Variants in AKAP19 observed in about 807,000 individuals in gnomAD.
The protein encoded by AKAP19 is small A-kinase anchoring protein.
chr2:190,140,495 A>G, the AKAP19 span, among the ~76,000 whole-genome samples: 1 of 152,166 alleles, frequency 6.6e-6, no homozygotes, highest in Non-Finnish European at 1.5e-5. Context: ...GAGGTTCCCA[A>G]ACCTCAGTCC....
At chr2:189,990,233 C>T in the AKAP19 span, among the ~76,000 whole-genome samples, 1 of 152,160 alleles carries the variant, frequency 6.6e-6, no homozygotes, top group Non-Finnish European at 1.5e-5. Flanking sequence ...AAAGCATTTA[C>T]TATCACATAT....
the AKAP19 span, among the ~76,000 whole-genome samples, chr2:189,887,810 GT>G: frequency 1.8e-4 from 27 of 150,260 alleles, 1 homozygote; most frequent in African/African-American, 2.9e-4. Flanking sequence ...CTTTTTGATG[GT>G]TTTTTTTTCT....
chr2:190,098,406 G>C, the AKAP19 span, among the ~76,000 whole-genome samples: 1 of 152,006 alleles, frequency 6.6e-6, no homozygotes, highest in Non-Finnish European at 1.5e-5. Flanking sequence ...TGCACCAATG[G>C]TGCATTGTCA....
chr2:190,105,904 C>T, the AKAP19 span, among the ~76,000 whole-genome samples: 1 of 152,156 alleles, frequency 6.6e-6, no homozygotes, highest in African/African-American at 2.4e-5. Context: ...ATCTTTATTC[C>T]TCTAGCATCT....
chr2:189,924,952 T>C, the AKAP19 span, among the ~76,000 whole-genome samples: 2 of 152,150 alleles, frequency 1.3e-5, no homozygotes, highest in Middle Eastern at 3.2e-3. Context: ...CTGTTAACCA[T>C]GAGCTCAATG....
At chr2:190,199,815 G>C in the AKAP19 span, 1 of 1,595,126 alleles carries the variant, frequency 6.3e-7, no homozygotes, top group African/African-American at 1.3e-5. Context: ...AGATGGCCTG[G>C]AAGTAGTCTT....
At chr2:190,133,792 C>T in the AKAP19 span, among the ~76,000 whole-genome samples, 1 of 152,214 alleles carries the variant, frequency 6.6e-6, no homozygotes, top group Non-Finnish European at 1.5e-5. Context: ...GAGAGTTGAA[C>T]TCATAGAAGC....
chr2:190,171,223 GA>G, the AKAP19 span, among the ~76,000 whole-genome samples: 2 of 135,906 alleles, frequency 1.5e-5, no homozygotes, highest in South Asian at 2.3e-4. Flanking sequence ...AAGTAAAATA[GA>G]AAAAAAGTTA....
the AKAP19 span, among the ~76,000 whole-genome samples, chr2:190,145,781 C>T: frequency 6.6e-6 from 1 of 151,298 alleles, no homozygotes; most frequent in Admixed American, 6.6e-5. Context: ...TGTTATTAAG[C>T]AACTCATGAT....
chr2:190,000,760 C>T, the AKAP19 span, among the ~76,000 whole-genome samples: 6 of 152,062 alleles, frequency 3.9e-5, no homozygotes, highest in Non-Finnish European at 8.8e-5. Context: ...TTGTATTGCT[C>T]CTTTGCATAT....
the AKAP19 span, among the ~76,000 whole-genome samples, chr2:190,172,901 T>C: frequency 6.6e-5 from 10 of 151,974 alleles, no homozygotes; most frequent in African/African-American, 2.4e-5. Context: ...TCACCTGAGG[T>C]CAGGAGTTGG....
the AKAP19 span, among the ~76,000 whole-genome samples, chr2:190,191,788 T>C: frequency 6.6e-6 from 1 of 152,258 alleles, no homozygotes; most frequent in South Asian, 2.1e-4. Flanking sequence ...CCTAAATCTT[T>C]CAAATCTCGT....
the AKAP19 span, among the ~76,000 whole-genome samples, chr2:190,135,981 C>T: frequency 6.6e-6 from 1 of 152,130 alleles, no homozygotes; most frequent in African/African-American, 2.4e-5. Flanking sequence ...AAATTTGAGA[C>T]TGATTAGAAA....
the AKAP19 span, among the ~76,000 whole-genome samples, chr2:189,967,898 A>G: frequency 2.8e-4 from 42 of 152,268 alleles, no homozygotes; most frequent in African/African-American, 7.9e-4. Context: ...ATAAAGTTAA[A>G]TGGTGAAAAA....
chr2:189,932,195 G>A, the AKAP19 span, among the ~76,000 whole-genome samples: 1 of 152,002 alleles, frequency 6.6e-6, no homozygotes, highest in South Asian at 2.1e-4. Context: ...AAAAAGTGAG[G>A]TCAGGAGTTC....
the AKAP19 span, among the ~76,000 whole-genome samples, chr2:190,105,584 A>C: frequency 2.6e-4 from 39 of 152,324 alleles, no homozygotes; most frequent in African/African-American, 5.8e-4. Flanking sequence ...CCTCTGCCTT[A>C]CAACCTTTCA....
the AKAP19 span, among the ~76,000 whole-genome samples, chr2:189,884,023 A>C: frequency 0.1 from 15,694 of 152,160 alleles, 1,162 homozygotes; most frequent in East Asian, 0.2. Context: ...GATGCTTAAT[A>C]AGACAAAGTA....
chr2:189,974,282 A>T, the AKAP19 span, among the ~76,000 whole-genome samples: 1 of 152,036 alleles, frequency 6.6e-6, no homozygotes, highest in East Asian at 1.9e-4. Context: ...CATGTAGTTG[A>T]ACGGTTTTGA....
At chr2:190,155,620 G>T in the AKAP19 span, among the ~76,000 whole-genome samples, 1 of 152,130 alleles carries the variant, frequency 6.6e-6, no homozygotes, top group African/African-American at 2.4e-5. Flanking sequence ...ACTAAGAACT[G>T]ATATGAACAG....
Sources: gnomAD v4.1 joint callset for allele counts (sites outside exome capture counted in the v4.1 genomes callset) on GRCh38, gnomAD v4.1.1 for gene constraint, MANE v1.5 for transcripts, NCBI Gene and HGNC (gene_info 2026-07-23, HGNC 2026-07-21) for gene names.